DLGAP5: variants seen among roughly 807,000 people sequenced by gnomAD.
The protein encoded by DLGAP5 is DLG associated protein 5, also known as disks large-associated protein 5.
DLGAP5 carries 90 observed loss-of-function variants against 99.6 expected under a neutral mutation model. The observed-to-expected ratio is 0.90, with a 90% CI of 0.76 to 1.08. The LOEUF is 1.08. Ranked by LOEUF, DLGAP5 falls within the 50% of genes least tolerant of loss-of-function variation. The pLI is 0.00. For missense variants in DLGAP5, 1,036 were observed against 983.5 expected (o/e 1.05, Z -0.71); for synonymous variants, 311 against 321.3 (o/e 0.97, Z 0.34).
chr14:55,154,215 CT>C (rs1424777904), intron 15 of DLGAP5, among the ~76,000 whole-genome samples: 2 of 152,186 alleles, frequency 1.3e-5, no homozygotes, highest in African/African-American at 4.8e-5. Flanking sequence ...TCTCAACCAC[CT>C]TGGGGAGGCA....
intron 2 of DLGAP5, among the ~76,000 whole-genome samples, chr14:55,188,405 T>C (rs1883495229): frequency 6.6e-6 from 1 of 152,242 alleles, no homozygotes; most frequent in Non-Finnish European, 1.5e-5. Context: ...TGCTCTTTTC[T>C]TACTAATGTT....
chr14:55,162,358 G>A (rs1168850368), intron 13 of DLGAP5, among the ~76,000 whole-genome samples: 2 of 152,150 alleles, frequency 1.3e-5, no homozygotes, highest in African/African-American at 4.8e-5. Context: ...GGTGGCTCAT[G>A]CCTGTAATCC....
chr14:55,149,622 AG>A (rs1881939959), intron 18 of DLGAP5, among the ~76,000 whole-genome samples: 1 of 152,244 alleles, frequency 6.6e-6, no homozygotes, highest in Admixed American at 6.5e-5. Flanking sequence ...AATAAAACCA[AG>A]ACCGTTTTCT....
intron 12 of DLGAP5, among the ~76,000 whole-genome samples, chr14:55,167,660 A>G (rs1338355079): frequency 1.3e-5 from 2 of 152,196 alleles, no homozygotes; most frequent in Non-Finnish European, 2.9e-5. Context: ...GAAAGGGTAC[A>G]TGGAAGGAGG....
intron 2 of DLGAP5, among the ~76,000 whole-genome samples, chr14:55,186,165 G>A (rs887785023): frequency 6.6e-6 from 1 of 152,160 alleles, no homozygotes; most frequent in Admixed American, 6.5e-5. Context: ...AGCTACTCAG[G>A]AAGGCTGAGG....
In DLGAP5 at chr14:55,189,138, T is replaced by C. The variant is rs148451611; in HGVS notation, c.42A>G (p.Ile14Met). 74 of 1,613,814 alleles carry C rather than the reference T, an allele frequency of 4.6e-5. 1 individual carries two copies. The African/African-American group carries it at 9.2e-4, about 20-fold the overall frequency. ...TTTTAGTTCTAATCATTTCAGTACTTATATCCTTCCTGTGTCGACTGGCAA... is the reference window on the plus strand; with the variant it reads ...TTTTAGTTCTAATCATTTCAGTACTCATATCCTTCCTGTGTCGACTGGCAA... ...SHFASRHRKDISTEMIRTKIA... is the reference protein window; with the variant it reads ...SHFASRHRKDMSTEMIRTKIA... Residue 14 changes from isoleucine (I) to methionine (M), a missense_variant, in exon 2 of 19, where the codon ATA becomes ATG. By Grantham distance (10) the Ile-to-Met change is conservative. Transcript: ENST00000247191.
intron 10 of DLGAP5, among the ~76,000 whole-genome samples, chr14:55,172,600 G>A (rs938702547): frequency 1.3e-5 from 2 of 151,872 alleles, no homozygotes; most frequent in African/African-American, 4.8e-5. Context: ...CTCCAGCCTG[G>A]GTGACAGAGT....
intron 2 of DLGAP5, among the ~76,000 whole-genome samples, chr14:55,185,390 G>A (rs553716548): frequency 6.6e-6 from 1 of 152,168 alleles, no homozygotes; most frequent in South Asian, 2.1e-4. Context: ...TAGTAGAGAC[G>A]GAGTTTCACC....
intron 12 of DLGAP5, among the ~76,000 whole-genome samples, chr14:55,164,610 CA>C (rs1193288251): frequency 1.3e-5 from 2 of 151,118 alleles, no homozygotes; most frequent in African/African-American, 2.4e-5. Context: ...GATGTGGTGT[CA>C]AAATCACAAC....
chr14:55,161,927 A>G lies in DLGAP5; in HGVS notation c.1653+1044T>C, dbSNP rs1322661895. ...AATTTTTTAAAAATAAGGTTTAAAAAACAATACTTTAACAAGTTAAACTCT... is the reference window on the plus strand; with the variant it reads ...AATTTTTTAAAAATAAGGTTTAAAAGACAATACTTTAACAAGTTAAACTCT... On this transcript the variant is annotated intron_variant, in intron 13 of 18. Coordinates refer to ENST00000247191, the MANE Select transcript of DLGAP5 (RefSeq NM_014750.5). 2.6e-5 allele frequency among the ~76,000 whole-genome samples: 4 copies of G among 151,512 alleles called. No individual in the cohort carries two copies. The East Asian group carries it at 7.7e-4, about 29-fold the overall frequency.
intron 13 of DLGAP5, among the ~76,000 whole-genome samples, chr14:55,160,407 A>C (rs74542697): frequency 6.6e-6 from 1 of 151,542 alleles, no homozygotes; most frequent in Non-Finnish European, 1.5e-5. Flanking sequence ...AAAAAAAAAA[A>C]AGTAGACCAT....
chr14:55,160,700 C>A (rs1882394491), intron 13 of DLGAP5, among the ~76,000 whole-genome samples: 1 of 152,038 alleles, frequency 6.6e-6, no homozygotes, highest in Admixed American at 6.6e-5. Flanking sequence ...GCCTCAGCCT[C>A]CCAAAGTGCT....
At position 55,169,573 on chromosome 14, in the gene DLGAP5, G is replaced by A. The variant is rs1377507976; in HGVS notation, c.1388-14C>T. 1 of 1,573,884 alleles carries A rather than the reference G, an allele frequency of 6.4e-7. No homozygotes were observed. Among genetic ancestry groups the A allele is most frequent in the African/African-American group, 1.4e-5 (1 of 72,482 alleles). On this transcript the variant is annotated splice_polypyrimidine_tract_variant and intron_variant, in intron 11 of 18. Coordinates refer to ENST00000247191, the MANE Select transcript of DLGAP5 (RefSeq NM_014750.5). Reference sequence around the variant, plus strand: ...TAAGATCTTTAGCTGAAGGAAATAAGAGATTTTTTAAAATTAAAGGACAAA... The same window carrying A: ...TAAGATCTTTAGCTGAAGGAAATAAAAGATTTTTTAAAATTAAAGGACAAA...
chr14:55,189,744 T>G (rs765092982), intron 1 of DLGAP5, among the ~76,000 whole-genome samples: 5 of 152,176 alleles, frequency 3.3e-5, no homozygotes, highest in Non-Finnish European at 5.9e-5. Context: ...CACCACTGTT[T>G]AGGAACCTTC....
At chr14:55,165,248 G>A (rs1253668021) in intron 12 of DLGAP5, among the ~76,000 whole-genome samples, 1 of 152,106 alleles carries the variant, frequency 6.6e-6, no homozygotes, top group Non-Finnish European at 1.5e-5. Flanking sequence ...ATGAGGTCAG[G>A]CATGGTGACA....
rs573014701 is a variant in DLGAP5, at chr14:55,184,051, G to A, written c.239-298C>T. Among the ~76,000 whole-genome samples, 10 of 152,198 alleles carry A rather than the reference G, an allele frequency of 6.6e-5. No homozygotes were observed. The South Asian group carries it at 1.7e-3, about 25-fold the overall frequency. On this transcript the variant is annotated intron_variant, in intron 2 of 18. Coordinates refer to ENST00000247191, the MANE Select transcript of DLGAP5 (RefSeq NM_014750.5). ...ACCTGTAATCCCAGCTATTCGGGAG[G>A]TTGAGGTAGGAGAATTGCTTGAACC...
intron 7 of DLGAP5, among the ~76,000 whole-genome samples, chr14:55,178,047 T>TCACAAGGTCGGGAGAG (rs1883142904): frequency 9.8e-6 from 1 of 101,680 alleles, no homozygotes. Context: ...GGTCGGGAGA[T>TCACAAGGTCGGGAGAG]CGAGACCATC....
Position 55,158,607 on chromosome 14 carries a change from T to A in DLGAP5, c.1788A>T (p.Ala596=). The A allele has an allele frequency of 6.2e-7, 1 of 1,614,180 alleles. No individual in the cohort carries two copies. The highest frequency in any genetic ancestry group is 8.5e-7 in the Non-Finnish European group (1 of 1,180,016). ...RIRQEECAET[A]VSVIPKEVDK... Reference sequence around the variant, plus strand: ...CAACTTCCTTTGGTATCACAGAAACTGCTGTTTCAGCACATTCTTCCTGCC... The same window carrying A: ...CAACTTCCTTTGGTATCACAGAAACAGCTGTTTCAGCACATTCTTCCTGCC... Residue 596 remains alanine (A), a synonymous_variant, in exon 14 of 19, where the codon GCA becomes GCT. Coordinates refer to ENST00000247191, the MANE Select transcript of DLGAP5 (RefSeq NM_014750.5).
At chr14:55,157,396 T>C (rs1019773786) in intron 14 of DLGAP5, among the ~76,000 whole-genome samples, 1 of 152,156 alleles carries the variant, frequency 6.6e-6, no homozygotes, top group Non-Finnish European at 1.5e-5. Flanking sequence ...GAAACAAAAG[T>C]ACACCAGATT....
Sources: gnomAD v4.1 joint callset for allele counts (sites outside exome capture counted in the v4.1 genomes callset) on GRCh38, gnomAD v4.1.1 for gene constraint, MANE v1.5 for transcripts, NCBI Gene and HGNC (gene_info 2026-07-23, HGNC 2026-07-21) for gene names.